Variants in STK17A observed in about 807,000 individuals in gnomAD.
STK17A encodes the protein serine/threonine-protein kinase 17A.
In STK17A, 26 loss-of-function variants were observed where a neutral mutation model predicts 43.7. That is an observed-to-expected ratio of 0.60 (90% CI 0.44 to 0.83). The LOEUF is 0.83. STK17A is among the 40% of genes least tolerant of loss of function. The pLI is 0.00. For missense variants in STK17A, 476 were observed against 511.6 expected, an observed-to-expected ratio of 0.93 and a Z score of 0.67; for synonymous variants, 191 against 182.5, an observed-to-expected ratio of 1.05 and a Z score of -0.38.
At position 43,624,803 on chromosome 7, in the gene STK17A, A is replaced by G. The variant is rs756113243; in HGVS notation, c.1206A>G (p.Glu402=). The G allele has an allele frequency of 6.2e-7, 1 of 1,605,892 alleles. No homozygotes were observed. The highest frequency in any genetic ancestry group is 2.2e-5 in the East Asian group (1 of 44,758). Residue 402 remains glutamate (E), a synonymous_variant, in exon 7 of 7, where the codon GAA becomes GAG. Transcript: ENST00000319357. ...KAISKRFKFE[E]PLLQEIPGEF... The stretch of plus-strand genomic sequence containing the variant: ...TTTCCAAACGATTTAAATTTGAGGA[A>G]CCTTTGCTACAAGAAATTCCAGGAG...
chr7:43,585,789 A>G (rs1360427527), intron 1 of STK17A, among the ~76,000 whole-genome samples: 2 of 151,286 alleles, frequency 1.3e-5, no homozygotes, highest in Non-Finnish European at 3.0e-5. Context: ...TGCTTAGCTT[A>G]GGGGAAGCAC....
chr7:43,619,248 CT>C (rs1464654952), intron 3 of STK17A, among the ~76,000 whole-genome samples: 1 of 152,150 alleles, frequency 6.6e-6, no homozygotes, highest in Non-Finnish European at 1.5e-5. Flanking sequence ...ACCAATTGTG[CT>C]TGACCATGCT....
At chr7:43,595,842 A>C (rs958314390) in intron 1 of STK17A, 59 bp from the exon 2 acceptor site, 9 of 1,522,562 alleles carry the variant, frequency 5.9e-6, no homozygotes, top group Non-Finnish European at 8.1e-6. Flanking sequence ...ATTTCATTGA[A>C]ATCTGCCATC....
At chr7:43,615,801 G>A (rs1000556924) in intron 3 of STK17A, among the ~76,000 whole-genome samples, 19 of 152,078 alleles carry the variant, frequency 1.2e-4, no homozygotes, top group African/African-American at 3.9e-4. Context: ...CCCTCTGCCT[G>A]GAATGCTTCC....
chr7:43,619,112 C>T (rs1248442438), intron 3 of STK17A, among the ~76,000 whole-genome samples: 1 of 152,164 alleles, frequency 6.6e-6, no homozygotes, highest in East Asian at 1.9e-4. Flanking sequence ...TCATTGCATG[C>T]AAAATAGTCC....
chr7:43,600,207 G>A (rs966380829), intron 2 of STK17A, among the ~76,000 whole-genome samples: 4 of 152,092 alleles, frequency 2.6e-5, no homozygotes, highest in Non-Finnish European at 2.9e-5. Flanking sequence ...CCTTTAAACT[G>A]TACTTAATTT....
intron 4 of STK17A, chr7:43,622,850 A>G (rs2084059738): frequency 6.6e-6 from 1 of 152,062 alleles, no homozygotes; most frequent in Non-Finnish European, 1.5e-5. Flanking sequence ...ACAGGCATGC[A>G]CCATGACACT....
At position 43,624,429 on chromosome 7, in the gene STK17A, A is replaced by C. The variant is rs1230779198; in HGVS notation, c.921-89A>C. 4 of 1,303,136 alleles carry C rather than the reference A, an allele frequency of 3.1e-6. No individual in the cohort carries two copies. In the African/African-American group the frequency reaches 6.0e-5, roughly 20 times the overall value. The allele number at this position is 1,303,136 out of a possible 1,614,324, so 80.7% of individuals were successfully genotyped here. On this transcript the variant is annotated intron_variant, in intron 6 of 6. Coordinates refer to ENST00000319357, the MANE Select transcript of STK17A (RefSeq NM_004760.3). ...TTTTTGCCAACTTGTCAGACTTCCCAAAATATAATGCAATAAATACAGTAC... is the reference window on the plus strand; with the variant it reads ...TTTTTGCCAACTTGTCAGACTTCCCCAAATATAATGCAATAAATACAGTAC...
chr7:43,606,916 CTTTTTTTTTTTTT>C lies in STK17A; in HGVS notation c.420-1328_420-1316del, dbSNP rs71011933. On this transcript the variant is annotated intron_variant, in intron 2 of 6. Transcript: ENST00000319357. ...TCACTCAATCTAGCTTTTCGATTTT[CTTTTTTTTTTTTT>C]TTTTTTTTTTTGAGATGGAGTTTTG... Among the ~76,000 whole-genome samples the C allele has an allele frequency of 6.2e-4, 39 of 62,642 alleles. 1 individual carries two copies. Among genetic ancestry groups the C allele is most frequent in the Admixed American group, 2.6e-3 (12 of 4,630 alleles). 41.1% of individuals were successfully genotyped at this position (62,642 alleles called of 152,430 possible).
Position 43,619,597 on chromosome 7 carries a change from C to T in STK17A, c.565C>T (p.Pro189Ser). Residue 189 changes from proline to serine, a missense_variant and splice_region_variant, in exon 4 of 7, where the codon CCT (proline) becomes TCT (serine). By Grantham distance (74) the Pro-to-Ser change is moderately conservative (BLOSUM62 -1). Coordinates refer to ENST00000319357, the MANE Select transcript of STK17A (RefSeq NM_004760.3). ...TTTGCGGGGGTGTATTTTCTTTTAG[C>T]CTCAGAATATTCTGTTGACAAGTGA... ...TRDVVHLDLK[P>S]QNILLTSESP... 2 of 1,612,048 alleles carry T rather than the reference C, an allele frequency of 1.2e-6. No individual in the cohort carries two copies. The highest frequency in any genetic ancestry group is 1.1e-5 in the South Asian group (1 of 90,558).
intron 3 of STK17A, 167 bp downstream of exon 3, chr7:43,608,567 G>A: frequency 1.5e-6 from 1 of 681,758 alleles, no homozygotes; most frequent in Non-Finnish European, 2.3e-6. Context: ...TTTTATCAGG[G>A]AGATAATGCA....
intron 2 of STK17A, among the ~76,000 whole-genome samples, chr7:43,607,668 A>AAAAAAAAC: frequency 6.6e-6 from 1 of 151,658 alleles, no homozygotes; most frequent in African/African-American, 2.4e-5. Context: ...AAAAAAAAAA[A>AAAAAAAAC]AGCAAGAATG....
At chr7:43,598,679 T>G (rs533753727) in intron 2 of STK17A, among the ~76,000 whole-genome samples, 1 of 151,988 alleles carries the variant, frequency 6.6e-6, no homozygotes, top group Non-Finnish European at 1.5e-5. Flanking sequence ...GCTCAAGAAA[T>G]TTTTTTTCAC....
chr7:43,609,952 G>A (rs1440123483), intron 3 of STK17A, among the ~76,000 whole-genome samples: 1 of 152,212 alleles, frequency 6.6e-6, no homozygotes, highest in East Asian at 1.9e-4. Flanking sequence ...ACCTGGAAGG[G>A]CTTGTTAATA....
At chr7:43,596,956 A>AG (rs2082520064) in intron 2 of STK17A, among the ~76,000 whole-genome samples, 1 of 152,072 alleles carries the variant, frequency 6.6e-6, no homozygotes, top group African/African-American at 2.4e-5. Context: ...TGAGTCCAGG[A>AG]GTTTGAGATC....
chr7:43,601,770 C>T (rs995003995), intron 2 of STK17A, among the ~76,000 whole-genome samples: 1 of 152,208 alleles, frequency 6.6e-6, no homozygotes, highest in Non-Finnish European at 1.5e-5. Flanking sequence ...TGTCCCTCCT[C>T]CTGTGCTGCC....
intron 1 of STK17A, 104 bp downstream of exon 1, chr7:43,583,553 G>C (rs2082416783): frequency 9.9e-7 from 1 of 1,013,614 alleles, no homozygotes; most frequent in Admixed American, 4.4e-5. Context: ...AAGTGGCGTT[G>C]CTGCTGCCGA....
chr7:43,588,478 C>T (rs1265171673), intron 1 of STK17A, among the ~76,000 whole-genome samples: 1 of 151,492 alleles, frequency 6.6e-6, no homozygotes, highest in Non-Finnish European at 1.5e-5. Flanking sequence ...CTGATTTTTA[C>T]GCCTAGGGTC....
chr7:43,596,793 A>G (rs2082518429), intron 2 of STK17A, among the ~76,000 whole-genome samples: 1 of 151,100 alleles, frequency 6.6e-6, no homozygotes, highest in Admixed American at 6.6e-5. Context: ...GCTGGAACCA[A>G]GGAGGTGGAG....
Sources: gnomAD v4.1 joint callset for allele counts (sites outside exome capture counted in the v4.1 genomes callset) on GRCh38, gnomAD v4.1.1 for gene constraint, MANE v1.5 for transcripts, NCBI Gene and HGNC (gene_info 2026-07-23, HGNC 2026-07-21) for gene names.